Variants in MPP7 observed in about 807,000 individuals in gnomAD.
MPP7 encodes MAGUK p55 subfamily member 7.
A neutral mutation model predicts 76.5 loss-of-function variants in MPP7; 60 were observed. The ratio of observed to expected loss-of-function variants is 0.78; its 90% CI spans 0.64 to 0.97. MPP7 has a LOEUF of 0.97. MPP7 is among the 50% of genes least tolerant of loss of function. The pLI, the probability that MPP7 is intolerant of heterozygous loss-of-function variation, is 0.00. For missense variants in MPP7, 641 were observed against 694.0 expected (o/e 0.92, Z 0.86); for synonymous variants, 237 against 244.5 (o/e 0.97, Z 0.29).
chr10:28,185,285 T>C (rs1837199711), intron 3 of MPP7, among the ~76,000 whole-genome samples: 1 of 151,546 alleles, frequency 6.6e-6, no homozygotes, highest in African/African-American at 2.4e-5. Context: ...TAATATAAGT[T>C]ATTATCTTAT....
At chr10:28,125,893 T>C (rs1287735636) in intron 6 of MPP7, among the ~76,000 whole-genome samples, 6 of 152,216 alleles carry the variant, frequency 3.9e-5, no homozygotes, top group Non-Finnish European at 5.9e-5. Flanking sequence ...AGTGGTTACT[T>C]TGAAAGCCTT....
intron 8 of MPP7, among the ~76,000 whole-genome samples, chr10:28,121,738 A>G (rs1834847261): frequency 6.6e-6 from 1 of 151,830 alleles, no homozygotes; most frequent in Non-Finnish European, 1.5e-5. Flanking sequence ...ATATGAAAGG[A>G]AGGGGGGTAG....
At chr10:28,288,644 T>C (rs1328447801) in intron 1 of MPP7, among the ~76,000 whole-genome samples, 1 of 152,178 alleles carries the variant, frequency 6.6e-6, no homozygotes, top group Non-Finnish European at 1.5e-5. Context: ...GCAAAGGTCT[T>C]TGAGGTCCTT....
upstream of MPP7, among the ~76,000 whole-genome samples, chr10:28,304,032 T>G (rs991727301): frequency 5.9e-5 from 9 of 151,908 alleles, no homozygotes; most frequent in African/African-American, 2.2e-4. Context: ...AAAAATCAGG[T>G]AATATAAATT....
At chr10:28,222,199 T>TA (rs561035603) in intron 2 of MPP7, among the ~76,000 whole-genome samples, 2,679 of 142,418 alleles carry the variant, frequency 0.019, 81 homozygotes, top group African/African-American at 0.059. Context: ...GTACTACGAT[T>TA]AAAAAAAAAA....
At chr10:28,305,076 G>GGAGAAATGATCTAA (rs1253519616), upstream of MPP7, among the ~76,000 whole-genome samples, 2 of 152,178 alleles carry the variant, frequency 1.3e-5, no homozygotes, top group Non-Finnish European at 2.9e-5. Context: ...AATGCTTTAA[G>GGAGAAATGATCTAA]GAGAAATGAT....
intron 3 of MPP7, among the ~76,000 whole-genome samples, chr10:28,157,353 C>T (rs1836101153): frequency 6.6e-6 from 1 of 152,174 alleles, no homozygotes; most frequent in South Asian, 2.1e-4. Context: ...TGCCCACAAG[C>T]CCAAATTCTG....
At chr10:28,294,358 G>C (rs778553765) in intron 1 of MPP7, among the ~76,000 whole-genome samples, 3 of 152,150 alleles carry the variant, frequency 2.0e-5, no homozygotes, top group Non-Finnish European at 4.4e-5. Flanking sequence ...TAGTACAGGC[G>C]ACAGTGTGTT....
intron 15 of MPP7, among the ~76,000 whole-genome samples, 158 bp from the exon 16 acceptor site, chr10:28,056,781 A>C (rs886559768): frequency 4.6e-5 from 7 of 152,200 alleles, no homozygotes; most frequent in Non-Finnish European, 1.0e-4. Context: ...AAATGTAACA[A>C]ACACTTCTGA....
rs1315877505 is a variant in MPP7 at position 28,052,976 on chromosome 10, A to AT, written c.*1088dup. ...GAGAACCCATCTAAATATTTACAAT[A>AT]TAAGAGTCTTTCCTAAACTTCTTTA... On this transcript the variant is annotated 3_prime_UTR_variant, in exon 17 of 17. Coordinates refer to ENST00000683449, the MANE Select transcript of MPP7 (RefSeq NM_001318170.2). 2 of 152,216 alleles carry AT rather than the reference A, an allele frequency of 1.3e-5. No homozygotes were observed. Among genetic ancestry groups the AT allele is most frequent in the African/African-American group, 4.8e-5 (2 of 41,464 alleles). 9.4% of individuals were successfully genotyped at this position (152,216 alleles called of 1,614,324 possible). A position where few individuals can be genotyped will look rare whatever the true frequency, so the allele number is the denominator to read the frequency against.
intron 2 of MPP7, among the ~76,000 whole-genome samples, chr10:28,230,681 T>C (rs1838851202): frequency 6.6e-6 from 1 of 152,050 alleles, no homozygotes; most frequent in African/African-American, 2.4e-5. Flanking sequence ...GCTGGCATGA[T>C]GGTGCATGCC....
chr10:28,213,809 A>AAAAGAG (rs1554852417), intron 2 of MPP7, among the ~76,000 whole-genome samples: 1 of 136,462 alleles, frequency 7.3e-6, no homozygotes, highest in African/African-American at 3.0e-5. Context: ...AAAAAAAAAA[A>AAAAGAG]AGAGAGAGAG....
rs1406774200 is a variant in MPP7, at chr10:28,177,103, C to A, written c.156+25050G>T. Reference sequence around the variant, plus strand: ...TAAAACTCATCAAATATACAAAAATCTTTGTATTCATACCGATAGTAAAAA... The same window carrying A: ...TAAAACTCATCAAATATACAAAAATATTTGTATTCATACCGATAGTAAAAA... On this transcript the variant is annotated intron_variant, in intron 3 of 16. Coordinates refer to ENST00000683449, the MANE Select transcript of MPP7 (RefSeq NM_001318170.2). Among the ~76,000 whole-genome samples, 3 of 151,108 alleles carry A rather than the reference C, an allele frequency of 2.0e-5. No homozygotes were observed. The East Asian group carries it at 5.8e-4, about 29-fold the overall frequency.
upstream of MPP7, chr10:28,307,743 TC>T (rs1465527637): frequency 6.6e-6 from 1 of 152,118 alleles, no homozygotes; most frequent in Admixed American, 6.6e-5. Flanking sequence ...TCCCTCTGCT[TC>T]CCCAGAAAGG....
intron 2 of MPP7, among the ~76,000 whole-genome samples, chr10:28,229,986 A>G (rs1838829143): frequency 1.3e-5 from 2 of 152,318 alleles, no homozygotes; most frequent in East Asian, 3.9e-4. Context: ...ATGACACAGT[A>G]GCATGTAAGT....
At chr10:28,330,347 G>T (rs1834459919) in intron 1 of MPP7, among the ~76,000 whole-genome samples, 1 of 152,194 alleles carries the variant, frequency 6.6e-6, no homozygotes, top group Non-Finnish European at 1.5e-5. Flanking sequence ...GGGAAGAGAA[G>T]AAATTCCAAA....
chr10:28,239,669 T>G (rs868198201), intron 1 of MPP7, among the ~76,000 whole-genome samples: 2 of 152,188 alleles, frequency 1.3e-5, no homozygotes, highest in Admixed American at 6.5e-5. Flanking sequence ...TGGAAAAATA[T>G]TAACTTTTTT....
At chr10:28,120,135 T>C in intron 10 of MPP7, 59 bp downstream of exon 10, 2 of 1,526,774 alleles carry the variant, frequency 1.3e-6, no homozygotes, top group South Asian at 1.2e-5. Context: ...CAGAATGATA[T>C]TTTGCAGAGA....
chr10:28,291,174 A>C (rs1840909648), intron 1 of MPP7, among the ~76,000 whole-genome samples: 1 of 152,250 alleles, frequency 6.6e-6, no homozygotes, highest in African/African-American at 2.4e-5. Flanking sequence ...AGCAAATGCC[A>C]AACATGCAAT....
Sources: gnomAD v4.1 joint callset for allele counts (sites outside exome capture counted in the v4.1 genomes callset) on GRCh38, gnomAD v4.1.1 for gene constraint, MANE v1.5 for transcripts, NCBI Gene and HGNC (gene_info 2026-07-23, HGNC 2026-07-21) for gene names.